CTSH: variants seen among roughly 807,000 people sequenced by gnomAD.
CTSH encodes pro-cathepsin H.
In CTSH, 52 loss-of-function variants were observed where a neutral mutation model predicts 56.3. The ratio of observed to expected loss-of-function variants is 0.92; its 90% CI spans 0.74 to 1.16. The LOEUF is 1.16. CTSH is among the 50% of genes most tolerant of loss of function. The pLI is 0.00. For missense variants in CTSH, 406 were observed against 424.5 expected (o/e 0.96, Z 0.38); for synonymous variants, 174 against 155.7 (o/e 1.12, Z -0.88).
chr15:78,942,614 C>T (rs568915128), intron 1 of CTSH, among the ~76,000 whole-genome samples: 3 of 152,294 alleles, frequency 2.0e-5, no homozygotes, highest in South Asian at 2.1e-4. Flanking sequence ...CAGATATGAA[C>T]GATTTATTAC....
chr15:78,930,826 G>A (rs980762167), intron 7 of CTSH, among the ~76,000 whole-genome samples: 3 of 152,132 alleles, frequency 2.0e-5, no homozygotes, highest in African/African-American at 7.2e-5. Flanking sequence ...GAGGGGAGTC[G>A]AGGCACGGCA....
At chr15:78,944,592 G>A in intron 1 of CTSH, 1 of 319,586 alleles carries the variant, frequency 3.1e-6, no homozygotes, top group South Asian at 7.2e-5. Flanking sequence ...CCCCAGTTGA[G>A]GAAGGCGGAA....
At chr15:78,935,866 C>T (rs1349863137) in intron 3 of CTSH, 116 bp from the exon 4 acceptor site, 1 of 679,306 alleles carries the variant, frequency 1.5e-6, no homozygotes, top group Non-Finnish European at 2.6e-6. Flanking sequence ...ACCACTGCAA[C>T]CCATCTCCTT....
Position 78,929,377 on chromosome 15 carries a change from C to T in CTSH, c.630+35G>A, listed in dbSNP as rs758350986. ...AGGGAGTGAAGCTAGGCATGCTGTA[C>T]GCCAAGAAGACAGAGTGGAGGCTGT... On this transcript the variant is annotated intron_variant, in intron 8 of 11. Coordinates refer to ENST00000220166, the MANE Select transcript of CTSH (RefSeq NM_004390.5). 5.2e-5 allele frequency: 80 copies of T among 1,535,832 alleles called. No homozygotes were observed. In the Middle Eastern group the frequency reaches 6.8e-4, roughly 13 times the overall value.
Position 78,935,684 on chromosome 15 carries a change from G to A in CTSH, c.296C>T (p.Pro99Leu), listed in dbSNP as rs771026987. The change falls in exon 4 of 12, where the codon CCT (proline) becomes CTT (leucine). Residue 99 changes from proline (P) to leucine (L), a missense_variant. Pro to Leu is a moderately conservative substitution (Grantham distance 98). Transcript: ENST00000220166. The part of the protein sequence containing the change: ...EIKHKYLWSE[P>L]QNCSATKSNY... ...GTTGCAATGAATTATACCTACCTGAGGCTCTGACCAGAGATACTTGTGTTT... is the reference window on the plus strand; with the variant it reads ...GTTGCAATGAATTATACCTACCTGAAGCTCTGACCAGAGATACTTGTGTTT... 12 of 1,609,226 alleles carry A rather than the reference G, an allele frequency of 7.5e-6. No homozygotes were observed. In the Admixed American group the frequency reaches 1.0e-4, roughly 13 times the overall value.
chr15:78,940,130 C>A (rs2055257745), intron 1 of CTSH, among the ~76,000 whole-genome samples: 1 of 152,122 alleles, frequency 6.6e-6, no homozygotes, highest in Admixed American at 6.6e-5. Flanking sequence ...CAGATATTAT[C>A]AAAAACATAA....
rs1200864571 is a variant in CTSH, at chr15:78,931,396, G to A, written c.548+55C>T. ...GACCCAGCACACACTGGATCCTGTC[G>A]AAGCGGTCAGTGGGAAATGAGGAAG... On this transcript the variant is annotated intron_variant, in intron 7 of 11. Transcript: ENST00000220166. 18 of 1,608,354 alleles carry A rather than the reference G, an allele frequency of 1.1e-5. No individual in the cohort carries two copies. The African/African-American group carries it at 1.3e-4, about 12-fold the overall frequency.
At chr15:78,936,457 A>C (rs1395293062) in intron 3 of CTSH, among the ~76,000 whole-genome samples, 1 of 151,822 alleles carries the variant, frequency 6.6e-6, no homozygotes, top group Non-Finnish European at 1.5e-5. Context: ...ACCTGGGCTC[A>C]TTTCCTCTTT....
At chr15:78,935,169 G>T in intron 4 of CTSH, 87 bp from the exon 5 acceptor site, 1 of 869,474 alleles carries the variant, frequency 1.2e-6, no homozygotes, top group Non-Finnish European at 1.9e-6. Flanking sequence ...TATAAACATG[G>T]AATCACCAAG....
chr15:78,933,467 G>A (rs980724690), intron 5 of CTSH: 2 of 398,582 alleles, frequency 5.0e-6, no homozygotes, highest in Admixed American at 2.9e-5. Flanking sequence ...CTTCTGAAAT[G>A]TCTCTTAAGT....
intron 8 of CTSH, among the ~76,000 whole-genome samples, chr15:78,928,305 C>T (rs1036064469): frequency 1.5e-4 from 23 of 151,802 alleles, no homozygotes; most frequent in African/African-American, 2.4e-4. Context: ...CGGTGGCTCA[C>T]GCCTGTAATC....
intron 7 of CTSH, 102 bp from the exon 8 acceptor site, chr15:78,929,595 A>C: frequency 1.3e-6 from 1 of 741,810 alleles, no homozygotes; most frequent in Non-Finnish European, 2.2e-6. Flanking sequence ...CAGGCTGGGG[A>C]CTTGGTTGGG....
At chr15:78,943,033 A>G (rs2055327379) in intron 1 of CTSH, among the ~76,000 whole-genome samples, 1 of 152,164 alleles carries the variant, frequency 6.6e-6, no homozygotes, top group Non-Finnish European at 1.5e-5. Flanking sequence ...TTAGAGGAAG[A>G]CAGACCTCAA....
At chr15:78,939,070 G>A (rs1461407565) in intron 2 of CTSH, 70 bp downstream of exon 2, 2 of 1,370,778 alleles carry the variant, frequency 1.5e-6, no homozygotes. Context: ...TCAAATCTGG[G>A]ACAGTTTGGT....
chr15:78,936,723 G>A (rs1366734566), intron 3 of CTSH, among the ~76,000 whole-genome samples: 4 of 151,474 alleles, frequency 2.6e-5, no homozygotes, highest in African/African-American at 9.7e-5. Flanking sequence ...TCCACCTCCC[G>A]GGATCAAGTG....
intron 1 of CTSH, among the ~76,000 whole-genome samples, chr15:78,941,781 A>G (rs4254288): frequency 0.51 from 75,647 of 149,412 alleles, 22,495 homozygotes; most frequent in Non-Finnish European, 0.68. Context: ...GGGCGACAGA[A>G]TGAGACTCCG....
chr15:78,922,931 C>A, intron 11 of CTSH, 62 bp downstream of exon 11: 1 of 1,550,976 alleles, frequency 6.4e-7, no homozygotes. Context: ...AAGTGATGCC[C>A]CCAGGGCCTC....
intron 3 of CTSH, among the ~76,000 whole-genome samples, chr15:78,936,223 C>T (rs1321884033): frequency 6.7e-6 from 1 of 149,578 alleles, no homozygotes; most frequent in Non-Finnish European, 1.5e-5. Context: ...CGCTCTGTCA[C>T]CCAGGCTGGA....
intron 6 of CTSH, 26 bp downstream of exon 6, chr15:78,932,346 G>A: frequency 6.2e-7 from 1 of 1,606,400 alleles, no homozygotes; most frequent in Non-Finnish European, 8.5e-7. Flanking sequence ...TCCTCCGCAG[G>A]GGGTCGCCTG....
Sources: gnomAD v4.1 joint callset for allele counts (sites outside exome capture counted in the v4.1 genomes callset) on GRCh38, gnomAD v4.1.1 for gene constraint, MANE v1.5 for transcripts, NCBI Gene and HGNC (gene_info 2026-07-23, HGNC 2026-07-21) for gene names.